The following MDGA2 variants were observed in gnomAD, a reference collection of about 807,000 sequenced individuals.
MDGA2 encodes the protein MAM domain containing glycosylphosphatidylinositol anchor 2, also known as MAM domain-containing glycosylphosphatidylinositol anchor protein 2.
MDGA2 carries 40 observed loss-of-function variants against 117.8 expected under a neutral mutation model. The observed-to-expected ratio is 0.34, with a 90% CI of 0.26 to 0.44. MDGA2 has a LOEUF of 0.44. Among genes scored for constraint, MDGA2 ranks in the 20% least tolerant of loss-of-function variants. The pLI is 1.00. For missense variants in MDGA2, 1,123 were observed against 1,250.6 expected, an observed-to-expected ratio of 0.90 and a Z score of 1.54; for synonymous variants, 452 against 439.0, an observed-to-expected ratio of 1.03 and a Z score of -0.37.
At chr14:46,898,892 T>C (rs889120739) in intron 10 of MDGA2, among the ~76,000 whole-genome samples, 6 of 152,042 alleles carry the variant, frequency 3.9e-5, no homozygotes, top group Non-Finnish European at 7.4e-5. Context: ...TAGCTTAGGA[T>C]AAGCAAAGAA....
intron 1 of MDGA2, among the ~76,000 whole-genome samples, chr14:47,593,862 G>C (rs1182777619): frequency 6.6e-6 from 1 of 152,008 alleles, no homozygotes. Context: ...TCCTGCACAT[G>C]TATCCCGTAA....
chr14:46,848,782 T>C (rs2138280700), intron 15 of MDGA2, among the ~76,000 whole-genome samples: 1 of 152,084 alleles, frequency 6.6e-6, no homozygotes, highest in East Asian at 1.9e-4. Context: ...ATTTAATATG[T>C]GTGCTACCTA....
At chr14:47,495,273 G>A (rs1318730124) in intron 1 of MDGA2, among the ~76,000 whole-genome samples, 1 of 152,042 alleles carries the variant, frequency 6.6e-6, no homozygotes, top group Non-Finnish European at 1.5e-5. Context: ...CAAAAGGTAG[G>A]TGGGTGGGTG....
chr14:46,899,400 A>G lies in MDGA2; in HGVS notation c.2239-17179T>C, dbSNP rs1566514526. Among the ~76,000 whole-genome samples the G allele has an allele frequency of 4.6e-5, 7 of 152,084 alleles. No homozygotes were observed. In the South Asian group the frequency reaches 1.5e-3, roughly 32 times the overall value. On this transcript the variant is annotated intron_variant, in intron 10 of 16. Transcript: ENST00000399232. ...CAAAGGCTATACTCTGAGATGAATCATTTGTACCATTCACTTTCTATTTGA... is the reference window on the plus strand; with the variant it reads ...CAAAGGCTATACTCTGAGATGAATCGTTTGTACCATTCACTTTCTATTTGA...
At chr14:47,319,200 C>T (rs1484266242) in intron 1 of MDGA2, among the ~76,000 whole-genome samples, 3 of 152,080 alleles carry the variant, frequency 2.0e-5, no homozygotes, top group Non-Finnish European at 2.9e-5. Flanking sequence ...TTATTCTGGA[C>T]TGGAACAGTA....
At chr14:47,527,400 G>A (rs1454690244) in intron 1 of MDGA2, among the ~76,000 whole-genome samples, 1 of 152,106 alleles carries the variant, frequency 6.6e-6, no homozygotes. Flanking sequence ...AAAGGAGGAT[G>A]GAAGGAGTAG....
At chr14:47,275,827 C>A (rs1052339140) in intron 2 of MDGA2, among the ~76,000 whole-genome samples, 4 of 152,150 alleles carry the variant, frequency 2.6e-5, no homozygotes, top group Non-Finnish European at 5.9e-5. Context: ...TACTTCACTT[C>A]TGCATGAGAG....
Position 47,432,434 on chromosome 14 carries a change from A to T in MDGA2, c.281-130884T>A, listed in dbSNP as rs539487536. The stretch of plus-strand genomic sequence containing the variant: ...GATAACAATCTGTATATTAAAGTTA[A>T]TAACTTATATGCACTTTCTGGCTCC... On this transcript the variant is annotated intron_variant, in intron 1 of 16. Coordinates refer to ENST00000399232, the MANE Select transcript of MDGA2 (RefSeq NM_001113498.3). Among the ~76,000 whole-genome samples, 11 of 152,164 alleles carry T rather than the reference A, an allele frequency of 7.2e-5. No individual in the cohort carries two copies. The South Asian group carries it at 2.3e-3, about 31-fold the overall frequency.
intron 3 of MDGA2, among the ~76,000 whole-genome samples, chr14:47,172,756 A>T (rs993121790): frequency 2.0e-5 from 3 of 152,230 alleles, no homozygotes; most frequent in Non-Finnish European, 4.4e-5. Flanking sequence ...CCTCCTCCAA[A>T]GGAATGCAGT....
At chr14:47,492,521 T>A (rs1159624139) in intron 1 of MDGA2, among the ~76,000 whole-genome samples, 1 of 152,142 alleles carries the variant, frequency 6.6e-6, no homozygotes, top group Admixed American at 6.6e-5. Context: ...AAATTATGAT[T>A]CAGGACAGAA....
intron 8 of MDGA2, among the ~76,000 whole-genome samples, chr14:47,005,309 G>A (rs918119439): frequency 1.3e-4 from 19 of 151,508 alleles, no homozygotes; most frequent in Admixed American, 5.9e-4. Context: ...TGTTGTTTTT[G>A]TTCTCCAGGA....
At chr14:47,523,763 T>A (rs905744929) in intron 1 of MDGA2, among the ~76,000 whole-genome samples, 1 of 152,142 alleles carries the variant, frequency 6.6e-6, no homozygotes, top group Non-Finnish European at 1.5e-5. Flanking sequence ...CAGCACACGA[T>A]CACAACAGAG....
intron 8 of MDGA2, among the ~76,000 whole-genome samples, chr14:46,958,521 A>T (rs4900721): frequency 0.058 from 8,876 of 152,266 alleles, 504 homozygotes; most frequent in Admixed American, 0.18. Flanking sequence ...AGCATAAACC[A>T]CAGAGGGAAG....
chr14:47,333,149 T>C (rs1488452238), intron 1 of MDGA2, among the ~76,000 whole-genome samples: 1 of 151,950 alleles, frequency 6.6e-6, no homozygotes, highest in South Asian at 2.1e-4. Flanking sequence ...TTCCTTTGCA[T>C]ATATAACCAC....
At chr14:47,137,080 C>T (rs762160990) in intron 4 of MDGA2, among the ~76,000 whole-genome samples, 58 of 152,100 alleles carry the variant, frequency 3.8e-4, no homozygotes, top group South Asian at 4.1e-4. Context: ...ATTTTGTATA[C>T]CTGAATTTTT....
intron 1 of MDGA2, among the ~76,000 whole-genome samples, chr14:47,350,280 G>C (rs1890850108): frequency 6.6e-6 from 1 of 152,166 alleles, no homozygotes; most frequent in Non-Finnish European, 1.5e-5. Flanking sequence ...GGAAAAGTAA[G>C]AGTTCTATAT....
intron 1 of MDGA2, among the ~76,000 whole-genome samples, chr14:47,394,403 A>C (rs2138444805): frequency 6.6e-6 from 1 of 152,272 alleles, no homozygotes; most frequent in East Asian, 1.9e-4. Context: ...TAGACTCCCA[A>C]TATTTACCAT....
intron 9 of MDGA2, among the ~76,000 whole-genome samples, chr14:46,943,952 G>T (rs1566538107): frequency 6.6e-6 from 1 of 151,988 alleles, no homozygotes; most frequent in Non-Finnish European, 1.5e-5. Context: ...AAAACAGTTT[G>T]CTGACCTCAG....
At chr14:47,045,403 A>G (rs1201535493) in intron 7 of MDGA2, among the ~76,000 whole-genome samples, 1 of 152,204 alleles carries the variant, frequency 6.6e-6, no homozygotes, top group African/African-American at 2.4e-5. Context: ...AAAAAAATAA[A>G]AGCAAATAGT....
Sources: gnomAD v4.1 joint callset for allele counts (sites outside exome capture counted in the v4.1 genomes callset) on GRCh38, gnomAD v4.1.1 for gene constraint, MANE v1.5 for transcripts, NCBI Gene and HGNC (gene_info 2026-07-23, HGNC 2026-07-21) for gene names.